Variants in GPHN observed in about 807,000 individuals in gnomAD.
GPHN encodes gephyrin.
A neutral mutation model predicts 95.5 loss-of-function variants in GPHN; 17 were observed. The ratio of observed to expected loss-of-function variants is 0.18; its 90% CI spans 0.12 to 0.27. The LOEUF (loss-of-function observed/expected upper bound fraction) is 0.27, where lower values mean the gene tolerates loss of function less well. GPHN is among the 10% of genes least tolerant of loss of function. The pLI, the probability that GPHN is intolerant of heterozygous loss-of-function variation, is 1.00. For missense variants in GPHN, 660 were observed against 978.1 expected (o/e 0.67, Z 4.34); for synonymous variants, 320 against 322.5 (o/e 0.99, Z 0.08).
At chr14:67,598,806 T>G in the GPHN span, among the ~76,000 whole-genome samples, 2,245 of 150,228 alleles carry the variant, frequency 0.015, 64 homozygotes, top group African/African-American at 0.053. Context: ...ACCTCCCAGG[T>G]TCAAGCGATT....
the GPHN span, among the ~76,000 whole-genome samples, chr14:67,449,199 G>C: frequency 6.6e-6 from 1 of 152,308 alleles, no homozygotes; most frequent in Admixed American, 6.5e-5. Flanking sequence ...CCAATACTAA[G>C]AGTCTGAAAA....
the GPHN span, among the ~76,000 whole-genome samples, chr14:67,582,730 G>A: frequency 3.9e-5 from 6 of 152,048 alleles, no homozygotes; most frequent in African/African-American, 1.2e-4. The surrounding 1 kb of genome is among the most constrained non-coding windows in gnomAD (Gnocchi z 5.0). Context: ...CCAGCTACTC[G>A]GCAGGCTGAG....
chr14:66,913,390 G>A (rs1024135664), intron 5 of GPHN, among the ~76,000 whole-genome samples: 3 of 152,074 alleles, frequency 2.0e-5, no homozygotes, highest in Admixed American at 6.6e-5. Flanking sequence ...CACCCAGGCT[G>A]GAGTGCAATG....
chr14:67,692,233 C>T, the GPHN span: 15 of 561,324 alleles, frequency 2.7e-5, no homozygotes, highest in Middle Eastern at 4.8e-4. Flanking sequence ...ACTGCTATGA[C>T]GTTTTGAATT....
At chr14:66,660,859 G>T (rs2065600775) in intron 1 of GPHN, among the ~76,000 whole-genome samples, 1 of 152,140 alleles carries the variant, frequency 6.6e-6, no homozygotes, top group South Asian at 2.1e-4. Flanking sequence ...ACCTACCCCT[G>T]CCCAGGGAAG....
the GPHN span, among the ~76,000 whole-genome samples, chr14:67,559,229 T>G: frequency 2.0e-5 from 3 of 152,200 alleles, no homozygotes; most frequent in African/African-American, 7.2e-5. Flanking sequence ...AGGTAACACA[T>G]GCTTATAGTT....
chr14:66,990,521 G>A (rs1737627000), intron 9 of GPHN, among the ~76,000 whole-genome samples: 1 of 152,092 alleles, frequency 6.6e-6, no homozygotes, highest in Non-Finnish European at 1.5e-5. Context: ...TTATGAGCTG[G>A]ATCTGAGGGT....
chr14:67,182,632 G>A (rs539389790), downstream of GPHN, among the ~76,000 whole-genome samples: 1 of 152,150 alleles, frequency 6.6e-6, no homozygotes, highest in African/African-American at 2.4e-5. Flanking sequence ...AGTATATCAT[G>A]CTACTATTTA....
the GPHN span, among the ~76,000 whole-genome samples, chr14:67,565,434 G>A: frequency 2.0e-5 from 3 of 152,020 alleles, no homozygotes; most frequent in Admixed American, 2.0e-4. Context: ...TTGTAGGGAT[G>A]GAGTATCCCT....
chr14:67,074,334 A>G (rs1189255832), intron 11 of GPHN, among the ~76,000 whole-genome samples: 4 of 151,792 alleles, frequency 2.6e-5, no homozygotes, highest in African/African-American at 9.7e-5. Context: ...TGTTATTTTT[A>G]TATCTCTTAC....
intron 1 of GPHN, 106 bp downstream of exon 1, chr14:66,508,697 C>A (rs1425167274): frequency 9.8e-7 from 1 of 1,016,836 alleles, no homozygotes; most frequent in Non-Finnish European, 1.6e-6. Context: ...GGAGGGAAGG[C>A]TGAAGAAGGG....
At chr14:67,402,330 T>G in the GPHN span, among the ~76,000 whole-genome samples, 2 of 152,198 alleles carry the variant, frequency 1.3e-5, no homozygotes, top group Admixed American at 6.5e-5. Context: ...ATGGGGTACA[T>G]GAGCTATTTT....
At chr14:67,117,575 G>T (rs1352531864) in intron 16 of GPHN, among the ~76,000 whole-genome samples, 1 of 152,120 alleles carries the variant, frequency 6.6e-6, no homozygotes, top group East Asian at 1.9e-4. Flanking sequence ...AACCTAACAA[G>T]CTAGAATGGG....
chr14:67,561,901 C>T, the GPHN span: 7 of 1,093,564 alleles, frequency 6.4e-6, no homozygotes, highest in Non-Finnish European at 9.6e-6. Context: ...TGAAAAAATA[C>T]ATCTAAACCT....
At chr14:66,819,602 C>A (rs547582677) in intron 3 of GPHN, among the ~76,000 whole-genome samples, 1 of 151,866 alleles carries the variant, frequency 6.6e-6, no homozygotes, top group African/African-American at 2.4e-5. Context: ...ATGCCTCCAG[C>A]TTTGTTTTTT....
At chr14:67,016,888 T>C (rs1212309849) in intron 9 of GPHN, among the ~76,000 whole-genome samples, 1 of 152,162 alleles carries the variant, frequency 6.6e-6, no homozygotes, top group Non-Finnish European at 1.5e-5. Context: ...AAAATATTCA[T>C]AAAGATAATA....
the GPHN span, among the ~76,000 whole-genome samples, chr14:67,518,760 T>C: frequency 6.6e-6 from 1 of 152,190 alleles, no homozygotes; most frequent in Non-Finnish European, 1.5e-5. Context: ...TTATGCTTGT[T>C]AGAGAGAATT....
the GPHN span, among the ~76,000 whole-genome samples, chr14:67,696,422 G>A: frequency 1.3e-5 from 2 of 152,296 alleles, no homozygotes; most frequent in African/African-American, 4.8e-5. Context: ...CTTCCTCCTC[G>A]AGGATTCCTT....
chr14:67,653,094 TATATAA>T, the GPHN span, among the ~76,000 whole-genome samples: 44 of 152,334 alleles, frequency 2.9e-4, no homozygotes, highest in African/African-American at 9.1e-4. Flanking sequence ...GGGCTGAGAT[TATATAA>T]ATATATTTCA....
Sources: gnomAD v4.1 joint callset for allele counts (sites outside exome capture counted in the v4.1 genomes callset) on GRCh38, gnomAD v4.1.1 for gene constraint, Gnocchi (gnomAD v3.1) non-coding constraint, MANE v1.5 for transcripts, NCBI Gene and HGNC (gene_info 2026-07-23, HGNC 2026-07-21) for gene names.